The following NR2C1 variants were observed in gnomAD, a reference collection of about 807,000 sequenced individuals.
The protein encoded by NR2C1 is nuclear receptor subfamily 2 group C member 1, also known as TR2 nuclear hormone receptor.
A neutral mutation model predicts 74.8 loss-of-function variants in NR2C1; 33 were observed. The ratio of observed to expected loss-of-function variants is 0.44; its 90% CI spans 0.33 to 0.59. NR2C1 has a LOEUF of 0.59. Among genes scored for constraint, NR2C1 ranks in the 20% least tolerant of loss-of-function variants. NR2C1 has a pLI of 0.02. For missense variants in NR2C1, 568 were observed against 715.6 expected, an observed-to-expected ratio of 0.79 and a Z score of 2.35; for synonymous variants, 225 against 240.6, an observed-to-expected ratio of 0.94 and a Z score of 0.60.
chr12:95,043,681 C>A (rs1227827085), intron 9 of NR2C1, among the ~76,000 whole-genome samples: 1 of 82,034 alleles, frequency 1.2e-5, no homozygotes, highest in African/African-American at 7.5e-5. Flanking sequence ...CAGAGCAAGA[C>A]TCTGTCTCAA....
At chr12:95,072,455 CAAAA>C (rs570185714) in intron 1 of NR2C1, among the ~76,000 whole-genome samples, 16 of 60,276 alleles carry the variant, frequency 2.7e-4, no homozygotes, top group Non-Finnish European at 4.6e-4. Flanking sequence ...CTCTCCCTCT[CAAAA>C]AAAAAAAAAA....
chr12:95,038,760 A>T (rs937271612), intron 10 of NR2C1, among the ~76,000 whole-genome samples: 2 of 152,182 alleles, frequency 1.3e-5, no homozygotes, highest in Non-Finnish European at 2.9e-5. Context: ...ATTTTGGTCG[A>T]TAATAGACTA....
intron 2 of NR2C1, among the ~76,000 whole-genome samples, chr12:95,063,424 G>A (rs1875098949): frequency 6.6e-6 from 1 of 152,184 alleles, no homozygotes; most frequent in Non-Finnish European, 1.5e-5. Context: ...GTAGAATATG[G>A]GATCTGAGTG....
intron 5 of NR2C1, 89 bp from the exon 6 acceptor site, chr12:95,057,967 T>A: frequency 2.8e-6 from 3 of 1,078,902 alleles, no homozygotes; most frequent in Non-Finnish European, 4.1e-6. Flanking sequence ...ATGCTGCTAA[T>A]AGGAGACATG....
intron 1 of NR2C1, among the ~76,000 whole-genome samples, chr12:95,070,184 T>C (rs1282965770): frequency 1.4e-5 from 2 of 138,910 alleles, no homozygotes; most frequent in Admixed American, 1.4e-4. Context: ...TAGGCTGGAG[T>C]GCAGTGGTGC....
intron 7 of NR2C1, among the ~76,000 whole-genome samples, chr12:95,056,469 T>TA (rs1243190385): frequency 6.6e-6 from 1 of 152,142 alleles, no homozygotes; most frequent in Non-Finnish European, 1.5e-5. Flanking sequence ...CTCCAATCTC[T>TA]AAGAGAACTG....
chr12:95,068,074 T>C (rs1876002126), intron 1 of NR2C1, among the ~76,000 whole-genome samples: 1 of 152,046 alleles, frequency 6.6e-6, no homozygotes, highest in South Asian at 2.1e-4. Flanking sequence ...GAGACAGGGT[T>C]TCACTGTGTT....
At chr12:95,030,222 A>G (rs1869899589) in intron 11 of NR2C1, among the ~76,000 whole-genome samples, 1 of 152,244 alleles carries the variant, frequency 6.6e-6, no homozygotes, top group African/African-American at 2.4e-5. Flanking sequence ...ATGTAAAGAT[A>G]ACCATCTGAA....
intron 2 of NR2C1, among the ~76,000 whole-genome samples, chr12:95,063,396 G>A (rs1158334489): frequency 6.6e-6 from 1 of 152,128 alleles, no homozygotes; most frequent in East Asian, 1.9e-4. Flanking sequence ...TAAGACAGAA[G>A]GGAAGACAGG....
At chr12:95,049,017 A>G (rs1271511235) in intron 9 of NR2C1, 51 bp downstream of exon 9, 3 of 1,490,564 alleles carry the variant, frequency 2.0e-6, no homozygotes, top group African/African-American at 1.4e-5. Context: ...TGAAAGGTAG[A>G]TCAAAATCAA....
chr12:95,054,300 CTT>C (rs546713451), intron 7 of NR2C1, among the ~76,000 whole-genome samples: 13 of 142,154 alleles, frequency 9.1e-5, no homozygotes, highest in Non-Finnish European at 7.8e-5. Flanking sequence ...AAAGTCTATG[CTT>C]TTTTTTTTTT....
intron 8 of NR2C1, among the ~76,000 whole-genome samples, chr12:95,050,489 A>G (rs1360767874): frequency 6.6e-6 from 1 of 151,988 alleles, no homozygotes; most frequent in Non-Finnish European, 1.5e-5. Context: ...TTTCATTTTT[A>G]GTAGAGATGG....
In NR2C1 at chr12:95,028,542, C is replaced by T. The variant is rs768479796; in HGVS notation, c.1394-18G>A. 1.2e-5 allele frequency: 17 copies of T among 1,424,938 alleles called. No individual in the cohort carries two copies. Among genetic ancestry groups the T allele is most frequent in the Non-Finnish European group, 1.7e-5 (17 of 1,019,628 alleles). The allele number at this position is 1,424,938 out of a possible 1,614,324, so 88.3% of individuals were successfully genotyped here. A position where few individuals can be genotyped will look rare whatever the true frequency, so the allele number is the denominator to read the frequency against. On this transcript the variant is annotated intron_variant, in intron 11 of 13. Coordinates refer to ENST00000333003, the MANE Select transcript of NR2C1 (RefSeq NM_003297.4). ...CATTTTATCTTTAATTAAAAATAAA[C>T]AAATGCTTCTAGTGTTTGTCTAAAA...
At chr12:95,048,931 G>A (rs1028483377) in intron 9 of NR2C1, 137 bp downstream of exon 9, 34 of 810,854 alleles carry the variant, frequency 4.2e-5, no homozygotes, top group Non-Finnish European at 6.0e-5. Flanking sequence ...GCCCAGATGA[G>A]TGTTTTAGCT....
chr12:95,059,299 C>G (rs1874387202), intron 4 of NR2C1, among the ~76,000 whole-genome samples: 1 of 124,612 alleles, frequency 8.0e-6, no homozygotes, highest in South Asian at 2.6e-4. Context: ...AAGACTCCAT[C>G]TCAAAAAAAA....
chr12:95,027,689 T>C (rs1339430972), intron 12 of NR2C1, among the ~76,000 whole-genome samples: 2 of 151,892 alleles, frequency 1.3e-5, no homozygotes, highest in African/African-American at 4.8e-5. Flanking sequence ...TGAACTGAGA[T>C]TGCACCACTA....
intron 1 of NR2C1, among the ~76,000 whole-genome samples, 171 bp downstream of exon 1, chr12:95,073,209 G>A (rs1443625289): frequency 6.6e-6 from 1 of 152,214 alleles, no homozygotes; most frequent in Non-Finnish European, 1.5e-5. Context: ...CGCGCTCCCA[G>A]CCGAAGTCGA....
chr12:95,047,213 G>A (rs780412556), intron 9 of NR2C1, among the ~76,000 whole-genome samples: 2 of 152,030 alleles, frequency 1.3e-5, no homozygotes, highest in African/African-American at 2.4e-5. Context: ...AAACAAAAGA[G>A]TATCTTTTAT....
chr12:95,020,560 G>A lies in NR2C1; in HGVS notation c.*1669C>T, dbSNP rs1394675022. 1 of 152,094 alleles carries A rather than the reference G, an allele frequency of 6.6e-6. No homozygotes were observed. The highest frequency in any genetic ancestry group is 1.5e-5 in the Non-Finnish European group (1 of 68,002). The allele number at this position is 152,094 out of a possible 1,614,324, so 9.4% of individuals were successfully genotyped here. A position where few individuals can be genotyped will look rare whatever the true frequency, so the allele number is the denominator to read the frequency against. On this transcript the variant is annotated 3_prime_UTR_variant, in exon 14 of 14. Transcript: ENST00000333003. ...GGAAAAAAGTTTCCCTTAGTAAACT[G>A]GTAAAGACTGTAAGTTGATATTTTC...
Sources: gnomAD v4.1 joint callset for allele counts (sites outside exome capture counted in the v4.1 genomes callset) on GRCh38, gnomAD v4.1.1 for gene constraint, MANE v1.5 for transcripts, NCBI Gene and HGNC (gene_info 2026-07-23, HGNC 2026-07-21) for gene names.